Variants in PLEKHM1 observed in about 807,000 individuals in gnomAD.
The protein encoded by PLEKHM1 is pleckstrin homology and RUN domain containing M1, also known as pleckstrin homology domain-containing family M member 1.
In PLEKHM1, 28 loss-of-function variants were observed where a neutral mutation model predicts 94.3. The ratio of observed to expected loss-of-function variants is 0.30; its 90% CI spans 0.22 to 0.41. The LOEUF is 0.41. Ranked by LOEUF, PLEKHM1 falls within the 10% of genes least tolerant of loss-of-function variation. The pLI, the probability that PLEKHM1 is intolerant of heterozygous loss-of-function variation, is 1.00. For synonymous variants in PLEKHM1, 424 were observed against 581.2 expected (o/e 0.73, Z 3.89); for missense variants, 907 against 1,358.6 (o/e 0.67, Z 5.22).
At chr17:45,438,065 G>A (rs2050324981) in intron 11 of PLEKHM1, 96 bp from the exon 12 acceptor site, 8 of 873,514 alleles carry the variant, frequency 9.2e-6, no homozygotes, top group African/African-American at 1.6e-5. Context: ...CCACGATACG[G>A]CTGTGATGTA....
intron 6 of PLEKHM1, chr17:45,454,769 A>G (rs944331840): frequency 1.2e-5 from 3 of 245,600 alleles, no homozygotes; most frequent in African/African-American, 6.6e-5. Context: ...GTCTCCATGC[A>G]CTTCCCTAAT....
At chr17:45,468,977 A>C (rs2145287161) in intron 4 of PLEKHM1, among the ~76,000 whole-genome samples, 1 of 150,826 alleles carries the variant, frequency 6.6e-6, no homozygotes, top group South Asian at 2.1e-4. Flanking sequence ...CATGGTATGC[A>C]GCAGAGCCTC....
At position 45,440,175 on chromosome 17, in the gene PLEKHM1, A is replaced by T. The variant is rs1356791127; in HGVS notation, c.2889T>A (p.Ala963=). 2 of 1,613,946 alleles carry T rather than the reference A, an allele frequency of 1.2e-6. No homozygotes were observed. The highest frequency in any genetic ancestry group is 3.3e-5 in the Admixed American group (2 of 60,034). ...LLESPHRFSV[A]DLQQIADGVY... is the part of the protein sequence containing the mutation. The stretch of plus-strand genomic sequence containing the variant: ...ATGACACTCTTACCTGTTGGAGGTC[A>T]GCAACACTGAACCTATGCGGAGATT... Residue 963 remains alanine (A), a synonymous_variant, in exon 10 of 12, where the codon GCT becomes GCA. Transcript: ENST00000430334.
At chr17:45,484,202 A>G (rs1201720223) in intron 1 of PLEKHM1, among the ~76,000 whole-genome samples, 1 of 152,204 alleles carries the variant, frequency 6.6e-6, no homozygotes, top group African/African-American at 2.4e-5. Context: ...TATTTTTGAC[A>G]TAGTTTGGAA....
At chr17:45,481,941 G>T (rs1362434498) in intron 2 of PLEKHM1, among the ~76,000 whole-genome samples, 1 of 152,126 alleles carries the variant, frequency 6.6e-6, no homozygotes, top group Non-Finnish European at 1.5e-5. Context: ...TCTATCTGGA[G>T]TACCCAAGAT....
intron 7 of PLEKHM1, among the ~76,000 whole-genome samples, chr17:45,452,567 G>A (rs548627914): frequency 4.6e-5 from 7 of 151,658 alleles, no homozygotes; most frequent in African/African-American, 1.7e-4. Flanking sequence ...TAATAGTAGC[G>A]CCTATCTCTA....
At chr17:45,480,391 T>C (rs1183892604) in intron 2 of PLEKHM1, among the ~76,000 whole-genome samples, 1 of 151,898 alleles carries the variant, frequency 6.6e-6, no homozygotes, top group East Asian at 1.9e-4. Context: ...GGCAGAGGCA[T>C]GAGAATCACT....
intron 7 of PLEKHM1, chr17:45,452,858 AT>A (rs1451113410): frequency 1.0e-5 from 2 of 197,026 alleles, no homozygotes; most frequent in African/African-American, 4.6e-5. Flanking sequence ...GTAGCACTAC[AT>A]GGCTCGCAGC....
At position 45,437,555 on chromosome 17, in the gene PLEKHM1, C is replaced by T. The variant is rs189306775; in HGVS notation, c.*303G>A. ...TTCCACAGTGTTTGGGCAGCCCTAA[C>T]GGAGGCGCCGGGACGCTGGTGAGCC... is the stretch of plus-strand genomic sequence containing the variant. On this transcript the variant is annotated 3_prime_UTR_variant, in exon 12 of 12. Coordinates refer to ENST00000430334, the MANE Select transcript of PLEKHM1 (RefSeq NM_014798.3). This position sits in a 1 kb window ranked among gnomAD's most constrained non-coding sequence, Gnocchi z 4.0. 4.6e-4 allele frequency: 281 copies of T among 616,572 alleles called. 1 individual carries two copies. The highest frequency in any genetic ancestry group is 4.0e-3 in the East Asian group (115 of 28,990). 38.2% of individuals were successfully genotyped at this position (616,572 alleles called of 1,614,324 possible). A position where few individuals can be genotyped will look rare whatever the true frequency, so the allele number is the denominator to read the frequency against.
Position 45,437,905 on chromosome 17 carries a change from G to C in PLEKHM1, c.3124C>G (p.Arg1042Gly). ...TGGTACTTGCGCCGGCGGGCACAGCGGGGGCAGCCCTTCTTCACCACAGCC... is the reference window on the plus strand; with the variant it reads ...TGGTACTTGCGCCGGCGGGCACAGCCGGGGCAGCCCTTCTTCACCACAGCC... ...CQAVVKKGCP[R>G]CARRRKYQEQ... The change falls in exon 12 of 12, where the codon CGC becomes GGC. Residue 1042 changes from arginine to glycine, a missense_variant. By Grantham distance (125) the Arg-to-Gly change is moderately radical. Coordinates refer to ENST00000430334, the MANE Select transcript of PLEKHM1 (RefSeq NM_014798.3). The surrounding 1 kb of genome is among the most constrained non-coding windows in gnomAD (Gnocchi z 4.0). 1 of 1,613,808 alleles carries C rather than the reference G, an allele frequency of 6.2e-7. No individual in the cohort carries two copies. The highest frequency in any genetic ancestry group is 8.5e-7 in the Non-Finnish European group (1 of 1,179,956).
rs1209917389 is a variant in PLEKHM1, at chr17:45,436,256, G to A, written c.*1602C>T. On this transcript the variant is annotated 3_prime_UTR_variant, in exon 12 of 12. Transcript: ENST00000430334. Reference sequence around the variant, plus strand: ...TGAGGGCTCTGACTAGGCTGGGCTTGTGGTGGAGCGTTAATGTGGGCCATG... The same window carrying A: ...TGAGGGCTCTGACTAGGCTGGGCTTATGGTGGAGCGTTAATGTGGGCCATG... 4 of 454,168 alleles carry A rather than the reference G, an allele frequency of 8.8e-6. No individual in the cohort carries two copies. Among genetic ancestry groups the A allele is most frequent in the African/African-American group, 8.0e-5 (4 of 50,036 alleles). The allele number at this position is 454,168 out of a possible 1,614,324, so 28.1% of individuals were successfully genotyped here.
intron 6 of PLEKHM1, among the ~76,000 whole-genome samples, chr17:45,457,733 C>A (rs1463990651): frequency 6.6e-6 from 1 of 152,082 alleles, no homozygotes; most frequent in African/African-American, 2.4e-5. Context: ...TCAAAACAAA[C>A]AAACAAACAA....
chr17:45,475,153 A>T lies in PLEKHM1; in HGVS notation c.870T>A (p.Cys290Ter), dbSNP rs1402938777. The T allele has an allele frequency of 6.2e-7, 1 of 1,614,002 alleles. No individual in the cohort carries two copies. The highest frequency in any genetic ancestry group is 1.1e-5 in the South Asian group (1 of 91,084). Residue 290 changes from cysteine (C) to a stop codon, truncating the protein, a stop_gained, in exon 4 of 12, where the codon TGT (cysteine) becomes TGA (stop). Transcript: ENST00000430334. LOFTEE classifies it high-confidence loss of function. ...SPDHCEEPMS[C>*]DSDLGTANAE... ...CATTTGCTGTGCCCAGGTCTGAGTC[A>T]CAGGACATGGGCTCCTCGCAATGGT... is the stretch of plus-strand genomic sequence containing the variant.
intron 4 of PLEKHM1, among the ~76,000 whole-genome samples, chr17:45,472,686 C>T (rs1169456102): frequency 1.3e-5 from 2 of 152,202 alleles, no homozygotes; most frequent in Admixed American, 1.3e-4. Flanking sequence ...ACCTAATATG[C>T]TCAGAAGCCA....
chr17:45,473,503 T>C, intron 4 of PLEKHM1, among the ~76,000 whole-genome samples: 1 of 152,078 alleles, frequency 6.6e-6, no homozygotes, highest in Non-Finnish European at 1.5e-5. Flanking sequence ...GAACAGTGTG[T>C]ATATACTGCC....
intron 8 of PLEKHM1, among the ~76,000 whole-genome samples, chr17:45,448,869 A>C (rs1234867697): frequency 6.6e-6 from 1 of 152,166 alleles, no homozygotes; most frequent in African/African-American, 2.4e-5. Context: ...AAAGTACCCA[A>C]GGCATAATAT....
At position 45,439,622 on chromosome 17, in the gene PLEKHM1, C is replaced by A. The variant is rs1467082476; in HGVS notation, c.2914G>T (p.Val972Leu). Residue 972 changes from valine to leucine, a missense_variant, in exon 11 of 12, where the codon GTG (valine) becomes TTG (leucine). Around this residue, in one of 3 missense-constraint regions of PLEKHM1, gnomAD observed 254 missense variants for 451.1 expected, o/e 0.56. Coordinates refer to ENST00000430334, the MANE Select transcript of PLEKHM1 (RefSeq NM_014798.3). ...AGGGCCTTGAGGAATCCTTCATACACCCCGTCTGCGATCTGCGGAGGGCAA... is the reference window on the plus strand; with the variant it reads ...AGGGCCTTGAGGAATCCTTCATACAACCCGTCTGCGATCTGCGGAGGGCAA... ...VADLQQIADG[V>L]YEGFLKALIE... The A allele has an allele frequency of 6.2e-7, 1 of 1,614,062 alleles. No homozygotes were observed. Among genetic ancestry groups the A allele is most frequent in the Admixed American group, 1.7e-5 (1 of 60,016 alleles).
In PLEKHM1 at chr17:45,436,064, G is replaced by A. The variant is rs531478750; in HGVS notation, c.*1794C>T. 9 of 456,628 alleles carry A rather than the reference G, an allele frequency of 2.0e-5. No homozygotes were observed. Among genetic ancestry groups the A allele is most frequent in the South Asian group, 1.4e-4 (9 of 64,574 alleles). 28.3% of individuals were successfully genotyped at this position (456,628 alleles called of 1,614,324 possible). ...AATAGTGTGGGCACTACCTTTCTGA[G>A]GGAGGGGAGGCGGGAAGAGTCAATG... On this transcript the variant is annotated 3_prime_UTR_variant, in exon 12 of 12. Coordinates refer to ENST00000430334, the MANE Select transcript of PLEKHM1 (RefSeq NM_014798.3).
chr17:45,458,560 T>G lies in PLEKHM1; in HGVS notation c.1309-121A>C, dbSNP rs543508068. The G allele has an allele frequency of 1.9e-5, 18 of 960,678 alleles. No homozygotes were observed. In the East Asian group the frequency reaches 4.7e-4, roughly 25 times the overall value. The allele number at this position is 960,678 out of a possible 1,614,324, so 59.5% of individuals were successfully genotyped here. ...ACCTCGGCTCACTGCAACCTCTGACTCCTGGGTTCAAGCGATTCTCCTGCC... is the reference window on the plus strand; with the variant it reads ...ACCTCGGCTCACTGCAACCTCTGACGCCTGGGTTCAAGCGATTCTCCTGCC... On this transcript the variant is annotated intron_variant, in intron 5 of 11. Transcript: ENST00000430334.
Sources: allele counts gnomAD v4.1 joint callset (sites outside exome capture counted in the v4.1 genomes callset), GRCh38; gene constraint gnomAD v4.1.1; regional missense constraint gnomAD v4.1.1; non-coding constraint Gnocchi (gnomAD v3.1); transcripts MANE v1.5; gene names NCBI Gene and HGNC (gene_info 2026-07-23, HGNC 2026-07-21).